Variants in DENND1B observed in about 807,000 individuals in gnomAD.
DENND1B encodes DENN domain containing 1B, also known as DENN domain-containing protein 1B.
A neutral mutation model predicts 90.1 loss-of-function variants in DENND1B; 59 were observed. The ratio of observed to expected loss-of-function variants is 0.65; its 90% confidence interval spans 0.53 to 0.81. The LOEUF is 0.81. Ranked by LOEUF, DENND1B falls within the 40% of genes least tolerant of loss-of-function variation. The pLI is 0.00. For missense variants in DENND1B, 862 were observed against 912.6 expected (o/e 0.94, Z 0.71); for synonymous variants, 337 against 324.6 (o/e 1.04, Z -0.41).
At chr1:197,578,177 C>G (rs999805467) in intron 15 of DENND1B, among the ~76,000 whole-genome samples, 1 of 152,096 alleles carries the variant, frequency 6.6e-6, no homozygotes, top group South Asian at 2.1e-4. Flanking sequence ...ACAGTGACCA[C>G]AGTTAATACT....
intron 3 of DENND1B, among the ~76,000 whole-genome samples, chr1:197,709,806 C>G (rs1346064029): frequency 1.3e-4 from 18 of 141,180 alleles, no homozygotes; most frequent in Admixed American, 1.2e-3. Context: ...GAGTCAACAC[C>G]CATCAGTGTG....
intron 2 of DENND1B, among the ~76,000 whole-genome samples, chr1:197,758,960 AT>A (rs759108636): frequency 0.32 from 31,621 of 97,680 alleles, 5,700 homozygotes; most frequent in East Asian, 0.5. Context: ...TACTTCATTA[AT>A]TTTTTTTTTT....
At chr1:197,514,324 A>G (rs1668248779) in intron 20 of DENND1B, among the ~76,000 whole-genome samples, 1 of 151,614 alleles carries the variant, frequency 6.6e-6, no homozygotes, top group South Asian at 2.1e-4. Context: ...TTTGAGAGTG[A>G]TGAGCTAAGC....
chr1:197,771,178 C>T (rs543969526), intron 2 of DENND1B, among the ~76,000 whole-genome samples: 1 of 152,036 alleles, frequency 6.6e-6, no homozygotes, highest in African/African-American at 2.4e-5. Context: ...TCCAAAAGTG[C>T]TGGGATTATA....
intron 2 of DENND1B, among the ~76,000 whole-genome samples, chr1:197,771,808 A>T (rs4915561): frequency 1.3e-5 from 2 of 152,116 alleles, no homozygotes; most frequent in East Asian, 1.9e-4. Flanking sequence ...CAGCAAGTAA[A>T]GACATATACT....
At chr1:197,747,131 C>G (rs1652805068) in intron 2 of DENND1B, 1 of 770,372 alleles carries the variant, frequency 1.3e-6, no homozygotes. Flanking sequence ...CTCAATTTAT[C>G]TTTTCTGGAG....
Position 197,746,284 on chromosome 1 carries a change from A to C in DENND1B, c.82+26584T>G, listed in dbSNP as rs1663738248. Among the ~76,000 whole-genome samples, 4 of 152,278 alleles carry C rather than the reference A, an allele frequency of 2.6e-5. No homozygotes were observed. The South Asian group carries it at 8.3e-4, about 32-fold the overall frequency. ...GTGGCACTTGCCTGTAATCCCAGCT[A>C]CTCGGGAGGCTGAGGCATGAGAATC... On this transcript the variant is annotated intron_variant, in intron 2 of 22. Transcript: ENST00000620048.
chr1:197,592,747 G>C (rs903260802), intron 14 of DENND1B, among the ~76,000 whole-genome samples: 8 of 152,280 alleles, frequency 5.3e-5, no homozygotes, highest in African/African-American at 1.9e-4. Flanking sequence ...TTGAATGCCA[G>C]GTGAAGAGAT....
At chr1:197,741,829 G>A (rs1002751873) in intron 2 of DENND1B, among the ~76,000 whole-genome samples, 2 of 152,018 alleles carry the variant, frequency 1.3e-5, no homozygotes, top group African/African-American at 4.8e-5. Flanking sequence ...ATGCAGAAAG[G>A]CAGAAAGAAC....
chr1:197,575,020 T>C (rs922991409), intron 15 of DENND1B, among the ~76,000 whole-genome samples: 2 of 152,166 alleles, frequency 1.3e-5, no homozygotes, highest in African/African-American at 4.8e-5. Flanking sequence ...ATTCAGGACA[T>C]AGGCATGGGC....
At chr1:197,656,426 T>C (rs546368639) in intron 6 of DENND1B, among the ~76,000 whole-genome samples, 1 of 152,128 alleles carries the variant, frequency 6.6e-6, no homozygotes, top group Non-Finnish European at 1.5e-5. Flanking sequence ...TAAAAATTAA[T>C]AGACAATAGA....
At chr1:197,694,661 G>C (rs1658250448) in intron 3 of DENND1B, among the ~76,000 whole-genome samples, 1 of 151,322 alleles carries the variant, frequency 6.6e-6, no homozygotes, top group Non-Finnish European at 1.5e-5. Flanking sequence ...GCTTAATAAA[G>C]AGTAAGCTTT....
intron 15 of DENND1B, among the ~76,000 whole-genome samples, chr1:197,564,241 G>A: frequency 6.6e-6 from 1 of 151,644 alleles, no homozygotes; most frequent in Non-Finnish European, 1.5e-5. Context: ...AGCACCATAT[G>A]CTACAAAGAA....
intron 6 of DENND1B, among the ~76,000 whole-genome samples, chr1:197,657,713 T>C (rs1653991265): frequency 6.6e-6 from 1 of 152,268 alleles, no homozygotes; most frequent in South Asian, 2.1e-4. Flanking sequence ...AAAAATTAAA[T>C]GCAGAATTAT....
chr1:197,749,527 T>C (rs184697863), intron 2 of DENND1B, among the ~76,000 whole-genome samples: 160 of 152,074 alleles, frequency 1.1e-3, no homozygotes, highest in African/African-American at 3.8e-3. Flanking sequence ...AAACTAGAAA[T>C]CTATTCCCAA....
intron 6 of DENND1B, among the ~76,000 whole-genome samples, chr1:197,657,158 C>T (rs866075727): frequency 1.3e-5 from 2 of 152,014 alleles, no homozygotes; most frequent in African/African-American, 2.4e-5. Context: ...ATAGAATACT[C>T]GCAAATCATC....
At chr1:197,600,741 G>A (rs970511003) in intron 13 of DENND1B, among the ~76,000 whole-genome samples, 1 of 151,682 alleles carries the variant, frequency 6.6e-6, no homozygotes, top group Admixed American at 6.6e-5. Context: ...AAGGATATAT[G>A]AGAGATATGA....
intron 12 of DENND1B, among the ~76,000 whole-genome samples, chr1:197,611,175 T>C (rs1056815272): frequency 6.6e-6 from 1 of 150,802 alleles, no homozygotes; most frequent in African/African-American, 2.4e-5. Context: ...AAAAGACAAA[T>C]TTATCTGAAT....
rs559475450 is a variant in DENND1B, at chr1:197,639,115, G to A, written c.672+3596C>T. On this transcript the variant is annotated intron_variant, in intron 10 of 22. Coordinates refer to ENST00000620048, the MANE Select transcript of DENND1B (RefSeq NM_001195215.2). The stretch of plus-strand genomic sequence containing the variant: ...GTCTCACTCTGTCACCCAGGCTGGA[G>A]TGCAATGGCGTGATCTCGGTTCACT... Among the ~76,000 whole-genome samples the A allele has an allele frequency of 1.9e-3, 281 of 151,098 alleles. 1 individual carries two copies. Among genetic ancestry groups the A allele is most frequent in the Non-Finnish European group, 3.3e-3 (225 of 67,868 alleles).
Sources: gnomAD v4.1 joint callset for allele counts (sites outside exome capture counted in the v4.1 genomes callset) on GRCh38, gnomAD v4.1.1 for gene constraint, MANE v1.5 for transcripts, NCBI Gene and HGNC (gene_info 2026-07-23, HGNC 2026-07-21) for gene names.